PTPRN2: variants seen among roughly 807,000 people sequenced by gnomAD.
The protein encoded by PTPRN2 is receptor-type tyrosine-protein phosphatase N2.
A neutral mutation model predicts 118.8 loss-of-function variants in PTPRN2; 74 were observed. The ratio of observed to expected loss-of-function variants is 0.62; its 90% CI spans 0.52 to 0.76. The LOEUF is 0.76. Among genes scored for constraint, PTPRN2 ranks in the 30% least tolerant of loss-of-function variants. The pLI is 0.00. For missense variants in PTPRN2, 1,481 were observed against 1,394.4 expected (o/e 1.06, Z -0.99); for synonymous variants, 641 against 608.0 (o/e 1.05, Z -0.80).
In PTPRN2 at chr7:157,656,563, G is replaced by A; in HGVS notation, c.2002-12C>T. On this transcript the variant is annotated splice_polypyrimidine_tract_variant and intron_variant, in intron 13 of 22. Coordinates refer to ENST00000389418, the MANE Select transcript of PTPRN2 (RefSeq NM_002847.5). ...TGGCGGCACAGCTCCTGCAGGACAG[G>A]GGGAGGAAGAGCAGGGGGTTAGTGG... is the stretch of plus-strand genomic sequence containing the variant. The A allele has an allele frequency of 6.5e-7, 1 of 1,528,990 alleles. No individual in the cohort carries two copies. Among genetic ancestry groups the A allele is most frequent in the Non-Finnish European group, 8.8e-7 (1 of 1,140,612 alleles). The allele number at this position is 1,528,990 out of a possible 1,614,324, so 94.7% of individuals were successfully genotyped here. A position where few individuals can be genotyped will look rare whatever the true frequency, so the allele number is the denominator to read the frequency against.
chr7:158,263,424 G>GCC lies in PTPRN2; in HGVS notation c.277+53394_277+53395insGG, dbSNP rs76779710. On this transcript the variant is annotated intron_variant, in intron 3 of 22. Coordinates refer to ENST00000389418, the MANE Select transcript of PTPRN2 (RefSeq NM_002847.5). ...ATTCATCCACAATGCACAAACACAT[G>GCC]CACACACACACAGGCACACACACAC... Among the ~76,000 whole-genome samples the GCC allele has an allele frequency of 3.8e-4, 57 of 151,598 alleles. 1 individual carries two copies. The highest frequency in any genetic ancestry group is 2.8e-3 in the Admixed American group (43 of 15,258).
chr7:158,356,288 T>C (rs560273044), intron 2 of PTPRN2, among the ~76,000 whole-genome samples: 26 of 152,336 alleles, frequency 1.7e-4, no homozygotes, highest in Admixed American at 7.8e-4. Flanking sequence ...ACATGCATTT[T>C]TTATTTATAA....
At chr7:158,312,854 A>G (rs1327864841) in intron 3 of PTPRN2, among the ~76,000 whole-genome samples, 1 of 149,994 alleles carries the variant, frequency 6.7e-6, no homozygotes. Context: ...GTGTGTGTGC[A>G]TGTGTGTGGA....
At chr7:158,126,823 C>A (rs1817726080) in intron 9 of PTPRN2, among the ~76,000 whole-genome samples, 1 of 152,180 alleles carries the variant, frequency 6.6e-6, no homozygotes. Context: ...CTGAGGGTGG[C>A]AGATGGAGAG....
chr7:158,450,177 C>T (rs184811522), intron 2 of PTPRN2, among the ~76,000 whole-genome samples: 5 of 152,372 alleles, frequency 3.3e-5, no homozygotes, highest in South Asian at 4.1e-4. Flanking sequence ...ACCCAATCAC[C>T]GCCCAAAGGC....
At chr7:158,047,908 A>G (rs938680298) in intron 11 of PTPRN2, among the ~76,000 whole-genome samples, 1 of 152,200 alleles carries the variant, frequency 6.6e-6, no homozygotes, top group African/African-American at 2.4e-5. Context: ...TGAACAGGGC[A>G]GTGCAAGGTG....
Position 157,974,581 on chromosome 7 carries a change from G to A in PTPRN2, c.1724-75844C>T, listed in dbSNP as rs140307672. Among the ~76,000 whole-genome samples, 17 of 152,086 alleles carry A rather than the reference G, an allele frequency of 1.1e-4. No individual in the cohort carries two copies. The highest frequency in any genetic ancestry group is 3.6e-4 in the African/African-American group (15 of 41,488). On this transcript the variant is annotated intron_variant, in intron 11 of 22. Coordinates refer to ENST00000389418, the MANE Select transcript of PTPRN2 (RefSeq NM_002847.5). This position sits in a 1 kb window ranked among gnomAD's most constrained non-coding sequence, Gnocchi z 4.0. ...GTCGTGGACATCTCTGGTCTCAGCC[G>A]GCAGGGGTGGGTGGGACCTCAGACC...
rs74353274 is a variant in PTPRN2, at chr7:157,587,373, C to T, written c.2496+7865G>A. ...TTCTCCTGCACCTCGGCCTTGTCAC[C>T]GGTGGCTGGCAGGCAGTTGGAAGGA... On this transcript the variant is annotated intron_variant, in intron 17 of 22. Coordinates refer to ENST00000389418, the MANE Select transcript of PTPRN2 (RefSeq NM_002847.5). This position sits in a 1 kb window ranked among gnomAD's most constrained non-coding sequence, Gnocchi z 5.3. 0.014 allele frequency among the ~76,000 whole-genome samples: 2,063 copies of T among 152,288 alleles called. 28 individuals carry two copies. The highest frequency in any genetic ancestry group is 0.058 in the Middle Eastern group (17 of 294).
intron 9 of PTPRN2, among the ~76,000 whole-genome samples, chr7:158,115,462 C>A (rs2150379924): frequency 6.6e-6 from 1 of 152,228 alleles, no homozygotes; most frequent in African/African-American, 2.4e-5. Context: ...CTGCTATGAA[C>A]TAATTGTGAC....
chr7:158,540,438 G>C (rs1343232665), intron 1 of PTPRN2, among the ~76,000 whole-genome samples: 1 of 152,090 alleles, frequency 6.6e-6, no homozygotes, highest in African/African-American at 2.4e-5. Flanking sequence ...CAGCTAGAGA[G>C]TCTATAAATG....
At chr7:158,443,444 GGTCT>G (rs921957265) in intron 2 of PTPRN2, among the ~76,000 whole-genome samples, 3 of 152,222 alleles carry the variant, frequency 2.0e-5, no homozygotes, top group Non-Finnish European at 4.4e-5. Flanking sequence ...CCCACTGACG[GGTCT>G]GTAAGAGTTG....
At chr7:158,107,520 C>T (rs2150360383) in intron 10 of PTPRN2, among the ~76,000 whole-genome samples, 1 of 152,274 alleles carries the variant, frequency 6.6e-6, no homozygotes, top group African/African-American at 2.4e-5. Flanking sequence ...ACAACAGGCC[C>T]TCCCCATTGT....
At chr7:157,710,855 G>T (rs10246927) in intron 12 of PTPRN2, among the ~76,000 whole-genome samples, 1 of 70,206 alleles carries the variant, frequency 1.4e-5, no homozygotes, top group African/African-American at 7.0e-5. Context: ...AGAGCCCCAC[G>T]CGCCGGAGGT....
In PTPRN2 at chr7:157,874,867, G is replaced by A. The variant is rs1041286882; in HGVS notation, c.1788+23806C>T. Among the ~76,000 whole-genome samples, 185 of 149,704 alleles carry A rather than the reference G, an allele frequency of 1.2e-3. No individual in the cohort carries two copies. Among genetic ancestry groups the A allele is most frequent in the African/African-American group, 4.4e-3 (180 of 40,502 alleles). ...CACATATACACACGGAGACACACTC[G>A]TGCACATACACACACGGAGACACAC... On this transcript the variant is annotated intron_variant, in intron 12 of 22. Transcript: ENST00000389418. This position sits in a 1 kb window ranked among gnomAD's most constrained non-coding sequence, Gnocchi z 5.8.
At chr7:158,471,522 T>C (rs1586750419) in intron 2 of PTPRN2, among the ~76,000 whole-genome samples, 2 of 152,212 alleles carry the variant, frequency 1.3e-5, no homozygotes, top group Admixed American at 6.5e-5. Context: ...ACCCTGTCTC[T>C]ACTAAAAATA....
chr7:158,462,406 C>A (rs1819072005), intron 2 of PTPRN2, among the ~76,000 whole-genome samples: 2 of 152,164 alleles, frequency 1.3e-5, no homozygotes, highest in South Asian at 4.1e-4. Flanking sequence ...CCACACCCGG[C>A]CTCTGTCACA....
intron 12 of PTPRN2, among the ~76,000 whole-genome samples, chr7:157,841,069 G>T (rs899197493): frequency 2.6e-5 from 4 of 152,234 alleles, no homozygotes; most frequent in Admixed American, 6.5e-5. Flanking sequence ...AGCCGTGTCC[G>T]CCCTGCACTC....
chr7:157,612,948 G>T (rs957905273), intron 15 of PTPRN2, among the ~76,000 whole-genome samples: 1 of 152,184 alleles, frequency 6.6e-6, no homozygotes, highest in Non-Finnish European at 1.5e-5. Flanking sequence ...TCCCCGCCCG[G>T]GTCTGCGGCT....
At chr7:157,852,592 C>T (rs572211786) in intron 12 of PTPRN2, among the ~76,000 whole-genome samples, 19 of 152,194 alleles carry the variant, frequency 1.2e-4, no homozygotes, top group South Asian at 2.1e-4. Context: ...ATACACTGGC[C>T]GGGTGCGGTG....
Sources: allele counts gnomAD v4.1 joint callset (sites outside exome capture counted in the v4.1 genomes callset), GRCh38; gene constraint gnomAD v4.1.1; non-coding constraint Gnocchi (gnomAD v3.1); transcripts MANE v1.5; gene names NCBI Gene and HGNC (gene_info 2026-07-23, HGNC 2026-07-21).